The following HDX variants were observed in gnomAD, a reference collection of about 807,000 sequenced individuals.
HDX encodes the protein highly divergent homeobox.
HDX carries 19 observed loss-of-function variants against 45.2 expected under a neutral mutation model. The ratio of observed to expected loss-of-function variants is 0.42; its 90% CI spans 0.29 to 0.62. The LOEUF (loss-of-function observed/expected upper bound fraction) is 0.62. Ranked by LOEUF, HDX falls within the 20% of genes least tolerant of loss-of-function variation. HDX has a pLI of 0.20. For synonymous variants in HDX, 188 were observed against 172.8 expected (o/e 1.09, Z -0.69); for missense variants, 532 against 493.9 (o/e 1.08, Z -0.73).
Position 84,334,465 on chromosome X carries a change from G to C in HDX, c.1741-623C>G, listed in dbSNP as rs2036912519. 2.7e-5 allele frequency among the ~76,000 whole-genome samples: 3 copies of C among 109,638 alleles called. No individual in the cohort carries two copies. The Admixed American group carries it at 3.0e-4, about 11-fold the overall frequency. The stretch of plus-strand genomic sequence containing the variant: ...GAGGAAAAGGGAGAAAGAGAAAGGA[G>C]AGAGACAGATTAAATTATCTTTAGC... On this transcript the variant is annotated intron_variant, in intron 8 of 10. Coordinates refer to ENST00000373177, the MANE Select transcript of HDX (RefSeq NM_001177479.2).
At chrX:84,408,499 GTTTTTTTT>G (rs1220751208) in intron 5 of HDX, among the ~76,000 whole-genome samples, 1 of 44,444 alleles carries the variant, frequency 2.3e-5, no homozygotes, top group Non-Finnish European at 3.9e-5. Context: ...CTCCAGCTTT[GTTTTTTTT>G]TTTTTTTTTT....
chrX:84,354,956 T>C (rs1431761544), intron 6 of HDX, among the ~76,000 whole-genome samples: 48 of 92,285 alleles, frequency 5.2e-4, no homozygotes, highest in South Asian at 2.2e-3. Flanking sequence ...TATATATATA[T>C]ATATATATAT....
chrX:84,380,976 C>T (rs752981374), intron 5 of HDX, among the ~76,000 whole-genome samples: 23 of 111,184 alleles, frequency 2.1e-4, no homozygotes, highest in Non-Finnish European at 3.2e-4. Context: ...AATTTAAAGA[C>T]TACACACAAA....
At chrX:84,387,229 A>G (rs2038340155) in intron 5 of HDX, among the ~76,000 whole-genome samples, 1 of 112,072 alleles carries the variant, frequency 8.9e-6, no homozygotes, top group South Asian at 3.7e-4. Context: ...TTCTTAAAAA[A>G]TTTATTAAGA....
chrX:84,321,712 A>G lies in HDX; in HGVS notation c.*177T>C. The G allele has an allele frequency of 3.4e-6, 1 of 292,599 alleles. No homozygotes were observed. The highest frequency in any genetic ancestry group is 5.3e-5 in the East Asian group (1 of 18,819). 24.1% of individuals were successfully genotyped at this position (292,599 alleles called of 1,213,427 possible). ...CTCTCAAACAATGCTTTTAAATTTC[A>G]CCTACATTTTTGTTGCACTGTAGCC... On this transcript the variant is annotated 3_prime_UTR_variant, in exon 11 of 11. Transcript: ENST00000373177.
intron 5 of HDX, among the ~76,000 whole-genome samples, chrX:84,381,135 A>AT (rs1424849307): frequency 9.0e-6 from 1 of 111,201 alleles, no homozygotes; most frequent in Non-Finnish European, 1.9e-5. Context: ...ATACGTAGGA[A>AT]TTAACCAAAG....
intron 5 of HDX, among the ~76,000 whole-genome samples, chrX:84,365,557 G>C (rs913344580): frequency 2.0e-4 from 22 of 111,881 alleles, no homozygotes; most frequent in Admixed American, 9.5e-5. Flanking sequence ...TGATTGGCTT[G>C]TTTGAATCAT....
At chrX:84,375,696 A>T (rs1273239624) in intron 5 of HDX, among the ~76,000 whole-genome samples, 1 of 107,361 alleles carries the variant, frequency 9.3e-6, no homozygotes, top group Non-Finnish European at 1.9e-5. Flanking sequence ...TTGAACAATG[A>T]TATCACATGG....
chrX:84,381,673 C>T (rs985399522), intron 5 of HDX, among the ~76,000 whole-genome samples: 7 of 111,624 alleles, frequency 6.3e-5, no homozygotes, highest in African/African-American at 2.3e-4. Context: ...AACTAGACTC[C>T]TATCTTTTGC....
chrX:84,427,327 A>G (rs1218148021), intron 5 of HDX, among the ~76,000 whole-genome samples: 2 of 111,170 alleles, frequency 1.8e-5, no homozygotes, highest in East Asian at 5.6e-4. Flanking sequence ...TTAACATACA[A>G]TAAATTGCAT....
intron 1 of HDX, among the ~76,000 whole-genome samples, chrX:84,498,821 G>GCACACACACACACA (rs202067754): frequency 2.1e-5 from 2 of 94,681 alleles, no homozygotes; most frequent in Non-Finnish European, 4.2e-5. Context: ...TGGAATGTAT[G>GCACACACACACACA]CACACACACA....
chrX:84,322,154 C>T (rs1423780095), intron 10 of HDX, 140 bp from the exon 11 acceptor site: 6 of 383,202 alleles, frequency 1.6e-5, no homozygotes, highest in Non-Finnish European at 2.5e-5. Flanking sequence ...TTAGACAATG[C>T]CTTACCTAAA....
intron 9 of HDX, among the ~76,000 whole-genome samples, chrX:84,327,302 T>C (rs1336765560): frequency 8.9e-6 from 1 of 111,838 alleles, no homozygotes; most frequent in Non-Finnish European, 1.9e-5. Flanking sequence ...AAATGGTTAT[T>C]ATACTGGTAA....
At chrX:84,324,401 G>A (rs980945706) in intron 10 of HDX, among the ~76,000 whole-genome samples, 4 of 111,569 alleles carry the variant, frequency 3.6e-5, no homozygotes, top group African/African-American at 9.7e-5. Flanking sequence ...CGATTACCTA[G>A]ATAACTTTTT....
chrX:84,478,572 A>G (rs2040604234), intron 2 of HDX, among the ~76,000 whole-genome samples: 1 of 112,351 alleles, frequency 8.9e-6, no homozygotes, highest in South Asian at 3.6e-4. Flanking sequence ...ATAAGTATTC[A>G]TTACTGGAAA....
At position 84,322,034 on chromosome X, in the gene HDX, T is replaced by C. The variant is rs1569271823; in HGVS notation, c.1948-20A>G. ...CAGTGCCTGAATAAAAAAAATAATA[T>C]TTTTGGATTAGTATGTGGATAGATT... On this transcript the variant is annotated intron_variant, in intron 10 of 10. Coordinates refer to ENST00000373177, the MANE Select transcript of HDX (RefSeq NM_001177479.2). 1 of 1,087,980 alleles carries C rather than the reference T, an allele frequency of 9.2e-7. No homozygotes were observed. The allele number at this position is 1,087,980 out of a possible 1,213,427, so 89.7% of individuals were successfully genotyped here. A position where few individuals can be genotyped will look rare whatever the true frequency, so the allele number is the denominator to read the frequency against.
chrX:84,321,731 T>G lies in HDX; in HGVS notation c.*158A>C. On this transcript the variant is annotated 3_prime_UTR_variant, in exon 11 of 11. Coordinates refer to ENST00000373177, the MANE Select transcript of HDX (RefSeq NM_001177479.2). ...AATTTCACCTACATTTTTGTTGCAC[T>G]GTAGCCATTATATCTTGTACATTCT... 3.0e-6 allele frequency: 1 copy of G among 335,463 alleles called. No individual in the cohort carries two copies. Among genetic ancestry groups the G allele is most frequent in the Non-Finnish European group, 5.2e-6 (1 of 192,718 alleles). 27.6% of individuals were successfully genotyped at this position (335,463 alleles called of 1,213,427 possible). A position where few individuals can be genotyped will look rare whatever the true frequency, so the allele number is the denominator to read the frequency against.
intron 2 of HDX, among the ~76,000 whole-genome samples, chrX:84,482,529 T>C (rs1001343896): frequency 2.7e-5 from 3 of 111,441 alleles, no homozygotes; most frequent in African/African-American, 6.5e-5. Flanking sequence ...TAACATCTCA[T>C]GAGAACTTAC....
rs780846200 is a variant in HDX at position 84,412,098 on chromosome X, A to C, written c.1305+28434T>G. Among the ~76,000 whole-genome samples, 8 of 111,381 alleles carry C rather than the reference A, an allele frequency of 7.2e-5. No homozygotes were observed. The South Asian group carries it at 1.1e-3, about 16-fold the overall frequency. On this transcript the variant is annotated intron_variant, in intron 5 of 10. Transcript: ENST00000373177. The stretch of plus-strand genomic sequence containing the variant: ...ATTTTATCAAAACAGCATACAGTTG[A>C]GTCTTGCATTTTTGTCCAACTTACC...
Sources: gnomAD v4.1 joint callset for allele counts (sites outside exome capture counted in the v4.1 genomes callset) on GRCh38, gnomAD v4.1.1 for gene constraint, MANE v1.5 for transcripts, NCBI Gene and HGNC (gene_info 2026-07-23, HGNC 2026-07-21) for gene names.